NBPF26: variants seen among roughly 807,000 people sequenced by gnomAD.
NBPF26 encodes the protein NBPF member 26.
In NBPF26, 79 loss-of-function variants were observed where a neutral mutation model predicts 119.6. The ratio of observed to expected loss-of-function variants is 0.66; its 90% CI spans 0.55 to 0.80. The LOEUF (loss-of-function observed/expected upper bound fraction) is 0.80, where lower values mean the gene tolerates loss of function less well. Among genes scored for constraint, NBPF26 ranks in the 30% least tolerant of loss-of-function variants. The pLI, the probability that NBPF26 is intolerant of heterozygous loss-of-function variation, is 0.00. For synonymous variants in NBPF26, 299 were observed against 457.7 expected, an observed-to-expected ratio of 0.65 and a Z score of 4.43; for missense variants, 800 against 1,198.2, an observed-to-expected ratio of 0.67 and a Z score of 4.91.
chr1:120,815,412 G>T (rs1275431848), intron 12 of NBPF26, among the ~76,000 whole-genome samples: 1 of 112,884 alleles, frequency 8.9e-6, no homozygotes, highest in Non-Finnish European at 1.7e-5. Context: ...GTAACTGTCA[G>T]AGAGTGAATG....
Position 120,816,829 on chromosome 1 carries a change from T to A in NBPF26, c.2371+2T>A, listed in dbSNP as rs1231821251. 9.7e-6 allele frequency: 14 copies of A among 1,447,900 alleles called. No homozygotes were observed. The East Asian group carries it at 1.6e-4, about 17-fold the overall frequency. 89.7% of individuals were successfully genotyped at this position (1,447,900 alleles called of 1,614,324 possible). On this transcript the variant is annotated splice_donor_variant, in intron 14 of 29. Transcript: ENST00000620612. LOFTEE classifies it high-confidence loss of function. ...AGGATGCTGTACACATTATTCCAGG[T>A]AGCCTCTGTTTTCCTTGTGTCTCAT...
intron 2 of NBPF26, among the ~76,000 whole-genome samples, chr1:120,777,872 C>T (rs1651316064): frequency 9.3e-6 from 1 of 107,830 alleles, no homozygotes; most frequent in African/African-American, 5.8e-5. Context: ...CAGACCTCAG[C>T]CAGGAGGTAC....
chr1:120,793,412 G>A lies in NBPF26; in HGVS notation c.667G>A (p.Val223Met), dbSNP rs1287727917. 1.0e-5 allele frequency: 15 copies of A among 1,442,340 alleles called. 5 individuals are homozygous for A. The highest frequency in any genetic ancestry group is 9.3e-5 in the East Asian group (4 of 42,784). The allele number at this position is 1,442,340 out of a possible 1,614,324, so 89.3% of individuals were successfully genotyped here. ...AGGCCAGTACTGTGACAGACTGTAT[G>A]TGCCCTGTGCACACTCGCCTTGTGT... Residue 223 changes from valine (V) to methionine (M), a missense_variant, in exon 4 of 30, where the codon GTG becomes ATG. Physicochemically the swap from Val to Met is conservative, Grantham distance 21. Coordinates refer to ENST00000620612, the Ensembl canonical transcript of NBPF26.
rs1553269792 is a variant in NBPF26 at position 120,805,735 on chromosome 1, G to A, written c.931G>A (p.Gly311Ser). Reference sequence around the variant, plus strand: ...GAAATGTTTTCTAACTCAACTGGCCGGCTTCCTGGCCAACCGACAGAAGAA... The same window carrying A: ...GAAATGTTTTCTAACTCAACTGGCCAGCTTCCTGGCCAACCGACAGAAGAA... Residue 311 changes from glycine to serine, a missense_variant, in exon 5 of 30, where the codon GGC (glycine) becomes AGC (serine). This residue lies in a region of NBPF26 where 155 missense variants were observed against 143.7 expected (regional missense o/e 1.08). Coordinates refer to ENST00000620612, the Ensembl canonical transcript of NBPF26. 1.3e-4 allele frequency: 188 copies of A among 1,443,900 alleles called. 33 individuals carry two copies. Among genetic ancestry groups the A allele is most frequent in the East Asian group, 1.2e-3 (53 of 44,280 alleles). The allele number at this position is 1,443,900 out of a possible 1,614,324, so 89.4% of individuals were successfully genotyped here. A position where few individuals can be genotyped will look rare whatever the true frequency, so the allele number is the denominator to read the frequency against.
intron 2 of NBPF26, among the ~76,000 whole-genome samples, chr1:120,781,827 A>G (rs1651364975): frequency 1.7e-5 from 2 of 117,526 alleles, no homozygotes; most frequent in East Asian, 4.1e-4. Context: ...CAAAGTGCTG[A>G]GATTACTGGT....
chr1:120,808,423 G>GCA (rs1651763192), intron 6 of NBPF26, 122 bp from the exon 7 acceptor site: 1 of 596,826 alleles, frequency 1.7e-6, no homozygotes, highest in African/African-American at 4.6e-5. Context: ...TCCTTTCAAC[G>GCA]TGTGCTGACC....
At chr1:120,811,926 G>A in exon 10 of NBPF26, 1 of 1,115,920 alleles carries the variant, frequency 9.0e-7, no homozygotes, top group East Asian at 2.4e-5. Flanking sequence ...TCAGCATGGT[G>A]GTATCAGCCG....
exon 4 of NBPF26, chr1:120,793,323 A>G: frequency 1.4e-6 from 2 of 1,406,524 alleles, no homozygotes; most frequent in Non-Finnish European, 1.9e-6. Flanking sequence ...GGACACTGCC[A>G]GCATGGTGGC....
At position 120,823,314 on chromosome 1, in the gene NBPF26, C is replaced by T. The variant is rs1553272240; in HGVS notation, c.2593C>T (p.Arg865Trp). The T allele has an allele frequency of 3.7e-4, 513 of 1,397,818 alleles. 101 individuals carry two copies. Among genetic ancestry groups the T allele is most frequent in the Non-Finnish European group, 4.6e-4 (483 of 1,047,664 alleles). The allele number at this position is 1,397,818 out of a possible 1,614,324, so 86.6% of individuals were successfully genotyped here. Residue 865 changes from arginine (R) to tryptophan (W), a missense_variant, in exon 17 of 30, where the codon CGG becomes TGG. Physicochemically the swap from Arg to Trp is moderately radical, Grantham distance 101. Around this residue, in one of 13 missense-constraint regions of NBPF26, gnomAD observed 73 missense variants for 50.7 expected, o/e 1.44. Coordinates refer to ENST00000620612, the Ensembl canonical transcript of NBPF26. ...CCATCTGAATTTATTTGCAGGACAT[C>T]GGTGGGATCAAGTGAAAAAGGAGGA...
At chr1:120,724,379 G>T (rs1650791447) in intron 1 of NBPF26, 129 bp downstream of exon 1, 1 of 1,346,656 alleles carries the variant, frequency 7.4e-7, no homozygotes, top group African/African-American at 2.7e-5. Flanking sequence ...GAGGCCACTC[G>T]CTGGGTTCCC....
chr1:120,729,720 TATG>T (rs1650855845), intron 1 of NBPF26, among the ~76,000 whole-genome samples: 1 of 117,178 alleles, frequency 8.5e-6, no homozygotes, highest in Non-Finnish European at 1.6e-5. Context: ...TAACTTCTCT[TATG>T]ATAAGAATAG....
rs1651076328 is a variant in NBPF26, at chr1:120,755,994, G to A, written c.74-7634G>A. On this transcript the variant is annotated intron_variant, in intron 1 of 29. Coordinates refer to ENST00000620612, the Ensembl canonical transcript of NBPF26. Reference sequence around the variant, plus strand: ...ACAAATTTCAAGGAGGAAGACAGATGTTTCTCCACTTCGTTTTTATTTAAA... The same window carrying A: ...ACAAATTTCAAGGAGGAAGACAGATATTTCTCCACTTCGTTTTTATTTAAA... Among the ~76,000 whole-genome samples the A allele has an allele frequency of 2.9e-5, 3 of 103,632 alleles. 1 individual carries two copies. Among genetic ancestry groups the A allele is most frequent in the Admixed American group, 9.6e-5 (1 of 10,444 alleles). 68.0% of individuals were successfully genotyped at this position (103,632 alleles called of 152,430 possible). A position where few individuals can be genotyped will look rare whatever the true frequency, so the allele number is the denominator to read the frequency against.
At position 120,840,533 on chromosome 1, in the gene NBPF26, T is replaced by C. The variant is rs1553273555; in HGVS notation, c.4287T>C (p.Phe1429=). ...CCCTTTACGTGGACAATAGGTTTTT[T>C]ACTTTGACGGTGACAAGTCTCCACC... Residue 1429 remains phenylalanine, a synonymous_variant, in exon 30 of 30, where the codon TTT becomes TTC. Transcript: ENST00000620612. 120 of 1,470,820 alleles carry C rather than the reference T, an allele frequency of 8.2e-5. 30 individuals are homozygous for C. In the South Asian group the frequency reaches 1.4e-3, roughly 17 times the overall value. 91.1% of individuals were successfully genotyped at this position (1,470,820 alleles called of 1,614,324 possible).
rs1402631274 is a variant in NBPF26 at position 120,781,794 on chromosome 1, G to A, written c.156-3180G>A. Among the ~76,000 whole-genome samples, 19 of 116,906 alleles carry A rather than the reference G, an allele frequency of 1.6e-4. 1 individual carries two copies. The East Asian group carries it at 3.9e-3, about 24-fold the overall frequency. 76.7% of individuals were successfully genotyped at this position (116,906 alleles called of 152,430 possible). ...AGGATGGTCTCGATCTCCTGACCTG[G>A]TGATCTGCCTGCCTCGGCCTCCCAA... On this transcript the variant is annotated intron_variant, in intron 2 of 29. Transcript: ENST00000620612.
Position 120,819,293 on chromosome 1 carries a change from A to T in NBPF26, c.2423+1119A>T, listed in dbSNP as rs1409631107. 1.7e-5 allele frequency among the ~76,000 whole-genome samples: 2 copies of T among 116,088 alleles called. 1 individual carries two copies. Among genetic ancestry groups the T allele is most frequent in the Non-Finnish European group, 3.3e-5 (2 of 60,382 alleles). 76.2% of individuals were successfully genotyped at this position (116,088 alleles called of 152,430 possible). On this transcript the variant is annotated intron_variant, in intron 15 of 29. Transcript: ENST00000620612. Reference sequence around the variant, plus strand: ...AAAGTCTGTTTTATCAGAGACTAGGATTGCAACCCCTGCCTTTTTTTTGTT... The same window carrying T: ...AAAGTCTGTTTTATCAGAGACTAGGTTTGCAACCCCTGCCTTTTTTTTGTT...
At position 120,823,891 on chromosome 1, in the gene NBPF26, T is replaced by A; in HGVS notation, c.2640-83T>A. ...GTCCTTTTTCTTTTCAAACTCTTCC[T>A]TACATTAGCCATGAAATCTAGCTGG... On this transcript the variant is annotated intron_variant, in intron 17 of 29. Transcript: ENST00000620612. The A allele has an allele frequency of 6.1e-6, 3 of 491,020 alleles. 1 individual carries two copies. Among genetic ancestry groups the A allele is most frequent in the Non-Finnish European group, 1.1e-5 (3 of 277,364 alleles). The allele number at this position is 491,020 out of a possible 1,614,324, so 30.4% of individuals were successfully genotyped here.
rs1432026115 is a variant in NBPF26 at position 120,814,852 on chromosome 1, C to T, written c.1901C>T (p.Ala634Val). Reference sequence around the variant, plus strand: ...AGGCAATATAAAGTCCTGGTTCACGCTCAGGAACGAGAGCTGACCCAGTTA... The same window carrying T: ...AGGCAATATAAAGTCCTGGTTCACGTTCAGGAACGAGAGCTGACCCAGTTA... The change falls in exon 12 of 30, where the codon GCT becomes GTT. Residue 634 changes from alanine (A) to valine (V), a missense_variant. Physicochemically the swap from Ala to Val is moderately conservative, Grantham distance 64 (BLOSUM62 0). This residue lies in a region of NBPF26 where 22 missense variants were observed against 33.0 expected (regional missense o/e 0.67). Coordinates refer to ENST00000620612, the Ensembl canonical transcript of NBPF26. 22 of 1,260,790 alleles carry T rather than the reference C, an allele frequency of 1.7e-5. 4 individuals are homozygous for T. Among genetic ancestry groups the T allele is most frequent in the Admixed American group, 3.7e-5 (2 of 53,752 alleles). The allele number at this position is 1,260,790 out of a possible 1,614,324, so 78.1% of individuals were successfully genotyped here.
chr1:120,812,921 A>AAATAATAATAATAATAAT (rs1209954653), intron 10 of NBPF26, among the ~76,000 whole-genome samples: 1 of 111,320 alleles, frequency 9.0e-6, no homozygotes, highest in African/African-American at 5.1e-5. Flanking sequence ...AGACTGCTAA[A>AAATAATAATAATAATAAT]AATAATAATA....
At chr1:120,770,585 G>A (rs1651252016) in intron 2 of NBPF26, among the ~76,000 whole-genome samples, 1 of 119,210 alleles carries the variant, frequency 8.4e-6, no homozygotes, top group Non-Finnish European at 1.6e-5. Context: ...TGCATATTAG[G>A]GTCTGTTCTC....
Sources: allele counts gnomAD v4.1 joint callset (sites outside exome capture counted in the v4.1 genomes callset), GRCh38; gene constraint gnomAD v4.1.1; regional missense constraint gnomAD v4.1.1; transcripts MANE v1.5; gene names NCBI Gene and HGNC (gene_info 2026-07-23, HGNC 2026-07-21).